PANX1: variants seen among roughly 807,000 people sequenced by gnomAD.
The protein encoded by PANX1 is pannexin-1.
PANX1 carries 30 observed loss-of-function variants against 38.7 expected under a neutral mutation model. The observed-to-expected ratio is 0.78, with a 90% CI of 0.58 to 1.05. The LOEUF is 1.05. PANX1 is among the 50% of genes least tolerant of loss of function. The probability of loss-of-function intolerance (pLI) is 0.00; values close to 1 mark genes in which losing one functional copy is unlikely to be tolerated. For missense variants in PANX1, 551 were observed against 517.2 expected (o/e 1.07, Z -0.63); for synonymous variants, 230 against 212.2 (o/e 1.08, Z -0.73).
intron 2 of PANX1, among the ~76,000 whole-genome samples, chr11:94,153,837 A>G (rs942439920): frequency 2.0e-5 from 3 of 152,196 alleles, no homozygotes; most frequent in African/African-American, 7.2e-5. Flanking sequence ...GGCAATGGGA[A>G]GTGTTCTTTG....
At chr11:94,169,348 G>A (rs916284867) in intron 2 of PANX1, among the ~76,000 whole-genome samples, 4 of 151,512 alleles carry the variant, frequency 2.6e-5, no homozygotes, top group Non-Finnish European at 4.4e-5. Context: ...AAGAAAGATG[G>A]TGTCAATGTG....
At chr11:94,136,576 C>T (rs1030847645) in intron 1 of PANX1, among the ~76,000 whole-genome samples, 7 of 151,898 alleles carry the variant, frequency 4.6e-5, no homozygotes, top group African/African-American at 1.5e-4. Flanking sequence ...GTCAGGAGAT[C>T]GAGACCACGG....
intron 1 of PANX1, among the ~76,000 whole-genome samples, chr11:94,149,639 T>A (rs555218849): frequency 6.6e-6 from 1 of 152,326 alleles, no homozygotes; most frequent in Admixed American, 6.5e-5. Context: ...CTCCTTTCTT[T>A]CTTTCCTGTA....
rs573008694 is a variant in PANX1, at chr11:94,135,908, C to T, written c.181+6415C>T. The stretch of plus-strand genomic sequence containing the variant: ...CACTTAGTATGTTTGGAGAGCTTTC[C>T]GTGCCAGTACATAGGTGTCACCTCA... On this transcript the variant is annotated intron_variant, in intron 1 of 4. Coordinates refer to ENST00000227638, the MANE Select transcript of PANX1 (RefSeq NM_015368.4). 8.7e-4 allele frequency among the ~76,000 whole-genome samples: 133 copies of T among 152,266 alleles called. 1 individual carries two copies. Among genetic ancestry groups the T allele is most frequent in the African/African-American group, 3.0e-3 (123 of 41,536 alleles).
At chr11:94,143,880 G>T (rs1311222240) in intron 1 of PANX1, among the ~76,000 whole-genome samples, 2 of 151,948 alleles carry the variant, frequency 1.3e-5, no homozygotes, top group African/African-American at 4.8e-5. Context: ...TCCCATGTAG[G>T]TGGGACCACA....
intron 2 of PANX1, 68 bp downstream of exon 2, chr11:94,153,698 C>A: frequency 1.4e-6 from 2 of 1,465,490 alleles, no homozygotes; most frequent in Admixed American, 1.9e-5. Flanking sequence ...CCCAGGGAGG[C>A]TATGCCAAAG....
chr11:94,159,647 A>G (rs892885185), intron 2 of PANX1, among the ~76,000 whole-genome samples: 1 of 151,824 alleles, frequency 6.6e-6, no homozygotes, highest in African/African-American at 2.4e-5. Context: ...CTAGCGGTCT[A>G]TCAATTTTGT....
Position 94,129,306 on chromosome 11 carries a change from C to G in PANX1, c.-7C>G, listed in dbSNP as rs1946596758. On this transcript the variant is annotated 5_prime_UTR_variant, in exon 1 of 5. Transcript: ENST00000227638. ...GACCTCCTGGTCGAGCCTGGCGCGC[C>G]GCAGCCATGGCCATCGCTCAACTGG... is the stretch of plus-strand genomic sequence containing the variant. 6.3e-7 allele frequency: 1 copy of G among 1,598,490 alleles called. No homozygotes were observed. The highest frequency in any genetic ancestry group is 8.6e-7 in the Non-Finnish European group (1 of 1,168,186).
chr11:94,159,178 G>A (rs573252099), intron 2 of PANX1, among the ~76,000 whole-genome samples: 12 of 152,074 alleles, frequency 7.9e-5, no homozygotes, highest in Admixed American at 4.6e-4. Flanking sequence ...TTTTTGCGTC[G>A]ATGTTCATCA....
intron 2 of PANX1, among the ~76,000 whole-genome samples, chr11:94,161,325 T>A (rs1421857919): frequency 6.6e-6 from 1 of 152,246 alleles, no homozygotes; most frequent in African/African-American, 2.4e-5. Flanking sequence ...AGTGTTTTCC[T>A]ACTTGGTTCC....
At chr11:94,168,617 G>A (rs552780508) in intron 2 of PANX1, among the ~76,000 whole-genome samples, 103 of 151,490 alleles carry the variant, frequency 6.8e-4, no homozygotes, top group African/African-American at 2.4e-3. Flanking sequence ...CAAGGGCCTA[G>A]ACCAGGGTCA....
chr11:94,161,794 G>C (rs1280438350), intron 2 of PANX1, among the ~76,000 whole-genome samples: 1 of 152,162 alleles, frequency 6.6e-6, no homozygotes, highest in African/African-American at 2.4e-5. Context: ...GAGGAGAGGT[G>C]CTCTGATTTT....
chr11:94,178,999 G>A (rs1228193848), intron 3 of PANX1, among the ~76,000 whole-genome samples: 9 of 152,280 alleles, frequency 5.9e-5, no homozygotes, highest in East Asian at 5.8e-4. Context: ...TGAGTAGGTC[G>A]TGGCTTGCCT....
intron 2 of PANX1, among the ~76,000 whole-genome samples, chr11:94,158,502 T>A (rs1946982420): frequency 6.6e-6 from 1 of 151,902 alleles, no homozygotes; most frequent in African/African-American, 2.4e-5. Flanking sequence ...TTTATTCTCT[T>A]TGAAGCAATT....
At chr11:94,170,249 T>G (rs1947150249) in intron 2 of PANX1, among the ~76,000 whole-genome samples, 1 of 151,618 alleles carries the variant, frequency 6.6e-6, no homozygotes, top group East Asian at 1.9e-4. Flanking sequence ...CAACCTCCAT[T>G]CTGTTTTCTG....
chr11:94,165,836 C>A (rs1249871891), intron 2 of PANX1, among the ~76,000 whole-genome samples: 1 of 152,096 alleles, frequency 6.6e-6, no homozygotes, highest in Non-Finnish European at 1.5e-5. Flanking sequence ...CTTGAACTTA[C>A]CAAGAGGCAG....
At chr11:94,141,395 G>A (rs767430069) in intron 1 of PANX1, among the ~76,000 whole-genome samples, 1 of 152,084 alleles carries the variant, frequency 6.6e-6, no homozygotes, top group Non-Finnish European at 1.5e-5. Flanking sequence ...GATTTCATGA[G>A]ACACACATTT....
intron 2 of PANX1, among the ~76,000 whole-genome samples, chr11:94,155,644 G>A (rs1026188487): frequency 6.6e-6 from 1 of 152,176 alleles, no homozygotes; most frequent in African/African-American, 2.4e-5. Flanking sequence ...ATGTTGAGTA[G>A]CTCAGGAGGA....
At chr11:94,174,086 G>T (rs1384053871) in intron 2 of PANX1, among the ~76,000 whole-genome samples, 2 of 151,468 alleles carry the variant, frequency 1.3e-5, no homozygotes, top group Admixed American at 6.6e-5. Context: ...CTTCCTGTGT[G>T]TCTCTGTGTC....
Sources: gnomAD v4.1 joint callset for allele counts (sites outside exome capture counted in the v4.1 genomes callset) on GRCh38, gnomAD v4.1.1 for gene constraint, MANE v1.5 for transcripts, NCBI Gene and HGNC (gene_info 2026-07-23, HGNC 2026-07-21) for gene names.